NKAIN2: variants seen among roughly 807,000 people sequenced by gnomAD.
NKAIN2 encodes sodium/potassium-transporting ATPase subunit beta-1-interacting protein 2.
A neutral mutation model predicts 32.6 loss-of-function variants in NKAIN2; 14 were observed. The ratio of observed to expected loss-of-function variants is 0.43; its 90% CI spans 0.28 to 0.67. The LOEUF is 0.67. Ranked by LOEUF, NKAIN2 falls within the 30% of genes least tolerant of loss-of-function variation. The pLI, the probability that NKAIN2 is intolerant of heterozygous loss-of-function variation, is 0.17. For synonymous variants in NKAIN2, 80 were observed against 87.2 expected (o/e 0.92, Z 0.46); for missense variants, 198 against 258.3 (o/e 0.77, Z 1.60).
chr6:123,904,545 G>C (rs913076941), intron 1 of NKAIN2, among the ~76,000 whole-genome samples: 6 of 152,282 alleles, frequency 3.9e-5, no homozygotes, highest in Middle Eastern at 3.4e-3. Flanking sequence ...TGCTTTAATG[G>C]TTTCTTACAA....
intron 1 of NKAIN2, among the ~76,000 whole-genome samples, chr6:124,180,568 A>G (rs996362229): frequency 1.3e-5 from 2 of 152,096 alleles, no homozygotes; most frequent in African/African-American, 2.4e-5. Flanking sequence ...GCCCCTCTCA[A>G]ATCTCATGTC....
intron 1 of NKAIN2, among the ~76,000 whole-genome samples, chr6:124,265,580 A>T (rs1425617393): frequency 3.3e-5 from 5 of 152,204 alleles, no homozygotes; most frequent in African/African-American, 9.6e-5. Context: ...TGTGCCTTTT[A>T]TCAAAAAGCC....
At chr6:124,400,130 G>GA (rs1773563584) in intron 3 of NKAIN2, among the ~76,000 whole-genome samples, 1 of 152,152 alleles carries the variant, frequency 6.6e-6, no homozygotes, top group Non-Finnish European at 1.5e-5. Flanking sequence ...GGTGCCATCA[G>GA]ACAGGTCAGT....
intron 1 of NKAIN2, among the ~76,000 whole-genome samples, chr6:124,138,708 A>G (rs1001492332): frequency 6.7e-6 from 1 of 148,310 alleles, no homozygotes; most frequent in Non-Finnish European, 1.5e-5. Flanking sequence ...TATATTATAT[A>G]TATCACATTA....
intron 3 of NKAIN2, among the ~76,000 whole-genome samples, chr6:124,394,170 G>A (rs1364816865): frequency 6.6e-6 from 1 of 151,904 alleles, no homozygotes; most frequent in Non-Finnish European, 1.5e-5. Flanking sequence ...TATTTTTCAT[G>A]AGTCATTACT....
At chr6:124,530,846 G>C (rs1256683577) in intron 3 of NKAIN2, among the ~76,000 whole-genome samples, 1 of 152,042 alleles carries the variant, frequency 6.6e-6, no homozygotes, top group African/African-American at 2.4e-5. Context: ...TTCATCGAAG[G>C]GTCGAAGAAA....
intron 3 of NKAIN2, among the ~76,000 whole-genome samples, chr6:124,494,070 A>G (rs1777974824): frequency 6.6e-6 from 1 of 152,038 alleles, no homozygotes; most frequent in Non-Finnish European, 1.5e-5. Context: ...CTGATTCTCC[A>G]AACCAGTTCT....
intron 2 of NKAIN2, among the ~76,000 whole-genome samples, chr6:124,321,494 G>A (rs776741368): frequency 6.6e-6 from 1 of 152,126 alleles, no homozygotes; most frequent in Non-Finnish European, 1.5e-5. Context: ...GTTTTGCTAA[G>A]TCATAAATAA....
chr6:124,616,083 T>A (rs933948524), intron 3 of NKAIN2, among the ~76,000 whole-genome samples: 3 of 152,186 alleles, frequency 2.0e-5, no homozygotes, highest in African/African-American at 7.2e-5. Flanking sequence ...TATAGCTGTC[T>A]CCTTTTTCTT....
chr6:124,208,131 G>C (rs1790988365), intron 1 of NKAIN2, among the ~76,000 whole-genome samples: 1 of 151,858 alleles, frequency 6.6e-6, no homozygotes. Context: ...GGCTACAATA[G>C]ACTTGATTCA....
intron 1 of NKAIN2, among the ~76,000 whole-genome samples, chr6:124,171,947 G>A (rs1475359781): frequency 2.0e-4 from 30 of 151,048 alleles, no homozygotes; most frequent in Admixed American, 6.6e-4. Flanking sequence ...CAAGCAACTG[G>A]TACTACAGGC....
At chr6:124,350,372 C>G (rs994688146) in intron 2 of NKAIN2, among the ~76,000 whole-genome samples, 6 of 151,206 alleles carry the variant, frequency 4.0e-5, no homozygotes, top group Admixed American at 3.3e-4. Flanking sequence ...AATCCAATTA[C>G]AGGATATTTG....
intron 3 of NKAIN2, among the ~76,000 whole-genome samples, chr6:124,368,178 A>G (rs983925100): frequency 1.3e-5 from 2 of 152,172 alleles, no homozygotes; most frequent in Non-Finnish European, 2.9e-5. Context: ...AATTTTCAGA[A>G]GCAAAAGATC....
At chr6:124,704,491 G>A (rs1245661885) in intron 4 of NKAIN2, among the ~76,000 whole-genome samples, 1 of 151,852 alleles carries the variant, frequency 6.6e-6, no homozygotes, top group African/African-American at 2.4e-5. Context: ...AGGCTAACTT[G>A]TTCCAAATAA....
At chr6:123,989,927 T>C (rs1479832304) in intron 1 of NKAIN2, among the ~76,000 whole-genome samples, 1 of 152,206 alleles carries the variant, frequency 6.6e-6, no homozygotes, top group Non-Finnish European at 1.5e-5. Context: ...CTCACACAGC[T>C]ATGAAGAAGT....
At chr6:124,137,246 A>G (rs563941115) in intron 1 of NKAIN2, among the ~76,000 whole-genome samples, 5 of 152,274 alleles carry the variant, frequency 3.3e-5, no homozygotes, top group African/African-American at 1.2e-4. Flanking sequence ...TAAGAACTCA[A>G]TCTTTTTTTC....
At chr6:124,569,074 T>C (rs1338666976) in intron 3 of NKAIN2, among the ~76,000 whole-genome samples, 1 of 152,180 alleles carries the variant, frequency 6.6e-6, no homozygotes. Flanking sequence ...ACTTATTTGA[T>C]AATCCATGGC....
chr6:124,396,148 A>G (rs1244730340), intron 3 of NKAIN2, among the ~76,000 whole-genome samples: 1 of 152,156 alleles, frequency 6.6e-6, no homozygotes, highest in African/African-American at 2.4e-5. Flanking sequence ...CTTATTAAAC[A>G]GATGAGGTTA....
intron 4 of NKAIN2, among the ~76,000 whole-genome samples, chr6:124,669,973 G>A (rs1773017079): frequency 1.3e-5 from 2 of 151,782 alleles, no homozygotes; most frequent in Admixed American, 1.3e-4. Flanking sequence ...CCCCATTTCT[G>A]AAGACTGGAA....
Sources: allele counts gnomAD v4.1 joint callset (sites outside exome capture counted in the v4.1 genomes callset), GRCh38; gene constraint gnomAD v4.1.1; transcripts MANE v1.5; gene names NCBI Gene and HGNC (gene_info 2026-07-23, HGNC 2026-07-21).